Variants in SLC44A1 observed in about 807,000 individuals in gnomAD.
SLC44A1 encodes choline transporter-like protein 1.
Under a neutral mutation model 79.3 loss-of-function variants are expected in SLC44A1, and 26 were observed. The observed-to-expected ratio is 0.33, with a 90% CI of 0.24 to 0.46. SLC44A1 has a LOEUF of 0.46. Among genes scored for constraint, SLC44A1 ranks in the 20% least tolerant of loss-of-function variants. The pLI is 1.00. For missense variants in SLC44A1, 688 were observed against 798.1 expected (o/e 0.86, Z 1.66); for synonymous variants, 263 against 286.2 (o/e 0.92, Z 0.82).
intron 15 of SLC44A1, among the ~76,000 whole-genome samples, chr9:105,413,433 T>G (rs1210088758): frequency 6.6e-6 from 1 of 152,198 alleles, no homozygotes; most frequent in African/African-American, 2.4e-5. Flanking sequence ...GGTTTTCCCC[T>G]TCTCTGGCCT....
chr9:105,337,332 C>T (rs766015956), intron 4 of SLC44A1, among the ~76,000 whole-genome samples: 2 of 152,114 alleles, frequency 1.3e-5, no homozygotes, highest in African/African-American at 4.8e-5. Context: ...GTTTCCACAT[C>T]TATGAAATAG....
intron 15 of SLC44A1, 110 bp from the exon 16 acceptor site, chr9:105,388,923 C>A (rs1245877671): frequency 7.6e-6 from 6 of 787,048 alleles, no homozygotes; most frequent in Non-Finnish European, 1.1e-5. Flanking sequence ...ATTCTCAGTC[C>A]ATTTTGCTGT....
At position 105,389,214 on chromosome 9, in the gene SLC44A1, A is replaced by G; in HGVS notation, c.*158A>G. On this transcript the variant is annotated 3_prime_UTR_variant, in exon 16 of 16. Transcript: ENST00000374720. ...ACACATAAATCAGCCAAAATCAGAG[A>G]AAAGGAACAGGGATTTAATACCTTT... The G allele has an allele frequency of 2.3e-6, 3 of 1,332,616 alleles. No individual in the cohort carries two copies. Among genetic ancestry groups the G allele is most frequent in the Non-Finnish European group, 2.9e-6 (3 of 1,035,228 alleles). The allele number at this position is 1,332,616 out of a possible 1,614,324, so 82.5% of individuals were successfully genotyped here.
rs577497277 is a variant in SLC44A1, at chr9:105,299,149, G to C, written c.37-71G>C. On this transcript the variant is annotated intron_variant, in intron 1 of 15. Coordinates refer to ENST00000374720, the MANE Select transcript of SLC44A1 (RefSeq NM_080546.5). ...CAAAGAAGGGCTCTAGCTATAGCTG[G>C]TGTATTTGTGCCCTTCTAACTTTAA... 21 of 1,025,356 alleles carry C rather than the reference G, an allele frequency of 2.0e-5. No homozygotes were observed. In the East Asian group the frequency reaches 4.9e-4, roughly 24 times the overall value. 63.5% of individuals were successfully genotyped at this position (1,025,356 alleles called of 1,614,324 possible).
chr9:105,265,897 A>T (rs1422291203), intron 1 of SLC44A1, among the ~76,000 whole-genome samples: 3 of 151,962 alleles, frequency 2.0e-5, no homozygotes. Context: ...GTACTTATTT[A>T]ACATCTGTAT....
intron 1 of SLC44A1, among the ~76,000 whole-genome samples, chr9:105,298,605 C>T (rs1564422685): frequency 1.3e-5 from 2 of 152,168 alleles, no homozygotes; most frequent in African/African-American, 2.4e-5. Flanking sequence ...CCGCCTCGGC[C>T]TCCCAAAGTG....
At position 105,435,313 on chromosome 9, in the gene SLC44A1, T is replaced by G. The variant is rs145834655; in HGVS notation, c.1951-2968T>G. Among the ~76,000 whole-genome samples, 1,230 of 152,236 alleles carry G rather than the reference T, an allele frequency of 8.1e-3. 8 individuals carry two copies. The highest frequency in any genetic ancestry group is 0.014 in the Non-Finnish European group (961 of 68,004). ...GAAGAGACTACCCAAACAGGCTAAG[T>G]GTGAGCAGCAAGGCTGTTGCAACAA... On this transcript the variant is annotated intron_variant, in intron 15 of 15. Transcript: ENST00000374724.
chr9:105,335,495 G>A, intron 3 of SLC44A1, 68 bp from the exon 4 acceptor site: 4 of 1,252,236 alleles, frequency 3.2e-6, no homozygotes, highest in Admixed American at 1.9e-5. Flanking sequence ...TCTAGGCTTA[G>A]TCAAATATGC....
rs561969745 is a variant in SLC44A1 at position 105,416,467 on chromosome 9, G to A, written c.1951-21814G>A. Among the ~76,000 whole-genome samples the A allele has an allele frequency of 2.2e-4, 33 of 152,166 alleles. No individual in the cohort carries two copies. The South Asian group carries it at 6.4e-3, about 30-fold the overall frequency. ...TGTGTATAATGTGTCACAGTAGTTG[G>A]GGGTGGGGGCAACAATTCATTCCAT... On this transcript the variant is annotated intron_variant, in intron 15 of 15. Coordinates refer to the SLC44A1 transcript ENST00000374724.
intron 1 of SLC44A1, among the ~76,000 whole-genome samples, chr9:105,245,526 C>A (rs953884903): frequency 5.3e-5 from 8 of 152,226 alleles, no homozygotes; most frequent in South Asian, 4.1e-4. Flanking sequence ...CCCCATCCCC[C>A]CTTAGTGCCG....
chr9:105,366,411 C>A lies in SLC44A1; in HGVS notation c.1476C>A (p.Cys492Ter). 1 of 1,506,426 alleles carries A rather than the reference C, an allele frequency of 6.6e-7. No individual in the cohort carries two copies. The allele number at this position is 1,506,426 out of a possible 1,614,324, so 93.3% of individuals were successfully genotyped here. The change falls in exon 12 of 16, where the codon TGC becomes TGA. Residue 492 changes from cysteine (C) to a stop codon, truncating the protein, a stop_gained. Transcript: ENST00000374720. LOFTEE classifies it high-confidence loss of function. The part of the protein sequence containing the change: ...CICCLWCLEK[C>*]LNYLNQNAYT... ...GTTGCCTTTGGTGTCTTGAAAAGTG[C>A]CTAAATTATTTAAATCAGGTAAAAT... is the stretch of plus-strand genomic sequence containing the variant.
chr9:105,302,104 T>G (rs1356544040), intron 2 of SLC44A1, among the ~76,000 whole-genome samples: 1 of 152,202 alleles, frequency 6.6e-6, no homozygotes, highest in African/African-American at 2.4e-5. Context: ...ATGCTTGAGT[T>G]GTCTAGAACT....
chr9:105,345,039 G>A (rs1406955784), intron 4 of SLC44A1, among the ~76,000 whole-genome samples: 3 of 152,200 alleles, frequency 2.0e-5, no homozygotes, highest in African/African-American at 7.2e-5. Context: ...GTTGAGATGA[G>A]TCTGGAGTTT....
intron 15 of SLC44A1, among the ~76,000 whole-genome samples, chr9:105,413,810 G>A (rs773674931): frequency 1.2e-4 from 19 of 152,180 alleles, no homozygotes; most frequent in Non-Finnish European, 2.6e-4. Context: ...ACACTACCAA[G>A]ATGGACTTAA....
In SLC44A1 at chr9:105,362,919, G is replaced by A; in HGVS notation, c.999G>A (p.Leu333=). ...VAGKVFIHLP[L]LVFQPFWTFF... Reference sequence around the variant, plus strand: ...GCAAGGTCTTCATTCACTTGCCACTGCTAGTCTTCCAACCCTTCTGGACTT... The same window carrying A: ...GCAAGGTCTTCATTCACTTGCCACTACTAGTCTTCCAACCCTTCTGGACTT... The change falls in exon 9 of 16, where the codon CTG becomes CTA. Residue 333 remains leucine (L), a synonymous_variant. Transcript: ENST00000374720. The A allele has an allele frequency of 6.2e-7, 1 of 1,613,908 alleles. No individual in the cohort carries two copies. The highest frequency in any genetic ancestry group is 8.5e-7 in the Non-Finnish European group (1 of 1,179,886).
intron 15 of SLC44A1, among the ~76,000 whole-genome samples, chr9:105,413,625 G>T (rs145500763): frequency 9.6e-4 from 147 of 152,340 alleles, no homozygotes; most frequent in African/African-American, 3.3e-3. Context: ...TACATGAGAA[G>T]AATGAATCCC....
At chr9:105,341,160 C>CTACTAAA (rs1827075182) in intron 4 of SLC44A1, among the ~76,000 whole-genome samples, 2 of 151,886 alleles carry the variant, frequency 1.3e-5, no homozygotes, top group South Asian at 4.2e-4. Flanking sequence ...CATGGTGAAA[C>CTACTAAA]CTCATCTCTA....
chr9:105,307,746 A>G (rs1831071597), intron 2 of SLC44A1, among the ~76,000 whole-genome samples: 1 of 152,194 alleles, frequency 6.6e-6, no homozygotes, highest in Non-Finnish European at 1.5e-5. Flanking sequence ...CTAATTTGGA[A>G]TTCAAAGATA....
intron 12 of SLC44A1, among the ~76,000 whole-genome samples, chr9:105,370,330 A>C (rs1291767615): frequency 6.6e-6 from 1 of 152,142 alleles, no homozygotes; most frequent in Non-Finnish European, 1.5e-5. Context: ...TCATCTTCCT[A>C]CCTTGGGAGT....
Sources: allele counts gnomAD v4.1 joint callset (sites outside exome capture counted in the v4.1 genomes callset), GRCh38; gene constraint gnomAD v4.1.1; transcripts MANE v1.5; gene names NCBI Gene and HGNC (gene_info 2026-07-23, HGNC 2026-07-21).